The following MAP3K4 variants were observed in gnomAD, a reference collection of about 807,000 sequenced individuals.
MAP3K4 encodes the protein mitogen-activated protein kinase kinase kinase 4.
MAP3K4 carries 67 observed loss-of-function variants against 185.6 expected under a neutral mutation model. That is an observed-to-expected ratio of 0.36 (90% CI 0.30 to 0.44). The LOEUF is 0.44. Ranked by LOEUF, MAP3K4 falls within the 20% of genes least tolerant of loss-of-function variation. The pLI is 1.00. For synonymous variants in MAP3K4, 702 were observed against 710.4 expected (o/e 0.99, Z 0.19); for missense variants, 1,551 against 1,995.1 (o/e 0.78, Z 4.24).
At chr6:161,042,718 C>T (rs1293574469) in intron 2 of MAP3K4, among the ~76,000 whole-genome samples, 3 of 152,034 alleles carry the variant, frequency 2.0e-5, no homozygotes, top group Non-Finnish European at 4.4e-5. Flanking sequence ...TTCAGTTTAT[C>T]TCATAGTTTA....
At position 161,049,355 on chromosome 6, in the gene MAP3K4, A is replaced by G. The variant is rs1361169554; in HGVS notation, c.1083A>G (p.Leu361=). 6.2e-7 allele frequency: 1 copy of G among 1,614,198 alleles called. No homozygotes were observed. Among genetic ancestry groups the G allele is most frequent in the South Asian group, 1.1e-5 (1 of 91,088 alleles). The part of the protein sequence containing the change: ...FEQVKRIMEL[L]EYIEALYPSL... ...AGGTAAAACGGATAATGGAGCTGCT[A>G]GAGTACATAGAAGCACTTTATCCAT... Residue 361 remains leucine (L), a synonymous_variant, in exon 3 of 27, where the codon CTA becomes CTG. Transcript: ENST00000392142. This position sits in a 1 kb window ranked among gnomAD's most constrained non-coding sequence, Gnocchi z 8.4.
At chr6:161,090,542 T>A (rs1785980164) in intron 11 of MAP3K4, among the ~76,000 whole-genome samples, 1 of 141,970 alleles carries the variant, frequency 7.0e-6, no homozygotes, top group African/African-American at 2.7e-5. Context: ...TTGTAGGATG[T>A]TTAGAGCCAG....
chr6:161,002,520 T>C (rs566922820), intron 1 of MAP3K4, among the ~76,000 whole-genome samples: 3 of 151,710 alleles, frequency 2.0e-5, no homozygotes, highest in Non-Finnish European at 4.4e-5. Context: ...GTATCTATTA[T>C]GGAAAACTAT....
chr6:161,023,536 T>C (rs1782500187), intron 1 of MAP3K4, among the ~76,000 whole-genome samples: 5 of 152,256 alleles, frequency 3.3e-5, no homozygotes. Flanking sequence ...ACATGATTTA[T>C]GGCAGTTGAT....
rs1370870130 is a variant in MAP3K4 at position 161,074,688 on chromosome 6, G to C, written c.2097+1076G>C. On this transcript the variant is annotated intron_variant, in intron 5 of 26. Coordinates refer to ENST00000392142, the MANE Select transcript of MAP3K4 (RefSeq NM_005922.4). The surrounding 1 kb of genome is among the most constrained non-coding windows in gnomAD (Gnocchi z 5.0). ...TTAGATTCATTAGGGTATATGCATA[G>C]ATGATTACGTAATGTGACAGGTTAA... 6.6e-6 allele frequency among the ~76,000 whole-genome samples: 1 copy of C among 152,184 alleles called. No homozygotes were observed.
Position 160,991,970 on chromosome 6 carries a change from C to G in MAP3K4, c.39C>G (p.Ala13=). The G allele has an allele frequency of 6.5e-7, 1 of 1,548,042 alleles. No homozygotes were observed. Among genetic ancestry groups the G allele is most frequent in the Non-Finnish European group, 8.7e-7 (1 of 1,154,380 alleles). The change falls in exon 1 of 27, where the codon GCC becomes GCG. Residue 13 remains alanine, a synonymous_variant. Coordinates refer to ENST00000392142, the MANE Select transcript of MAP3K4 (RefSeq NM_005922.4). This position sits in a 1 kb window ranked among gnomAD's most constrained non-coding sequence, Gnocchi z 5.7. ...CTGCCGCGCTGGTCCCTCCTCCCGC[C>G]TTTGCCGTCACGCCTGCCGCCGCCA... ...EAAAALVPPP[A]FAVTPAAAME... is the part of the protein sequence containing the mutation.
At chr6:161,099,253 G>A (rs1583231929) in intron 17 of MAP3K4, among the ~76,000 whole-genome samples, 1 of 152,196 alleles carries the variant, frequency 6.6e-6, no homozygotes, top group East Asian at 1.9e-4. Flanking sequence ...TCTGTGTTCA[G>A]CCCCGAGGAG....
chr6:161,048,333 T>G lies in MAP3K4; in HGVS notation c.344-283T>G, dbSNP rs112647813. The G allele has an allele frequency of 9.6e-5, 59 of 616,748 alleles. No individual in the cohort carries two copies. Among genetic ancestry groups the G allele is most frequent in the African/African-American group, 8.3e-4 (46 of 55,416 alleles). The allele number at this position is 616,748 out of a possible 1,614,324, so 38.2% of individuals were successfully genotyped here. ...ATTTGGTTAAATGATTTGATAACTA[T>G]GCTTTGTAGCATAGAGAGAAATAAA... is the stretch of plus-strand genomic sequence containing the variant. On this transcript the variant is annotated intron_variant, in intron 2 of 26. Transcript: ENST00000392142. This position sits in a 1 kb window ranked among gnomAD's most constrained non-coding sequence, Gnocchi z 4.7.
Position 161,111,841 on chromosome 6 carries a change from A to G in MAP3K4, c.4402A>G (p.Asn1468Asp), listed in dbSNP as rs780130744. 1 of 1,613,826 alleles carries G rather than the reference A, an allele frequency of 6.2e-7. No individual in the cohort carries two copies. The highest frequency in any genetic ancestry group is 8.5e-7 in the Non-Finnish European group (1 of 1,179,842). Residue 1468 changes from asparagine to aspartate, a missense_variant, in exon 24 of 27, where the codon AAT (asparagine) becomes GAT (aspartate). By Grantham distance (23) the Asn-to-Asp change is conservative (BLOSUM62 1). Coordinates refer to ENST00000392142, the MANE Select transcript of MAP3K4 (RefSeq NM_005922.4). ...GIVHRDIKGA[N>D]IFLTSSGLIK... ...ACTACTTCTTTTCTTTTTAGGTGCC[A>G]ATATCTTCCTTACCTCATCTGGATT...
intron 1 of MAP3K4, among the ~76,000 whole-genome samples, chr6:161,005,977 G>A (rs141833956): frequency 0.038 from 5,830 of 152,196 alleles, 149 homozygotes; most frequent in South Asian, 0.07. Flanking sequence ...TAATAGAAAC[G>A]GGGTTTTGCC....
In MAP3K4 at chr6:161,115,096, C is replaced by T; in HGVS notation, c.4627-27C>T. 2 of 1,581,368 alleles carry T rather than the reference C, an allele frequency of 1.3e-6. No individual in the cohort carries two copies. Among genetic ancestry groups the T allele is most frequent in the Non-Finnish European group, 1.7e-6 (2 of 1,157,874 alleles). ...GTTTGTGGCTGTGTAATATTAAAAT[C>T]TGATTTTTTAAAAACATCTTTTTTA... On this transcript the variant is annotated intron_variant, in intron 25 of 26. Coordinates refer to ENST00000392142, the MANE Select transcript of MAP3K4 (RefSeq NM_005922.4). The surrounding 1 kb of genome is among the most constrained non-coding windows in gnomAD (Gnocchi z 6.0).
intron 1 of MAP3K4, among the ~76,000 whole-genome samples, chr6:160,998,869 C>G (rs886785864): frequency 6.6e-6 from 1 of 152,198 alleles, no homozygotes; most frequent in Non-Finnish European, 1.5e-5. Flanking sequence ...AGATCTCACA[C>G]TGTGTAATCG....
chr6:161,116,928 A>G lies in MAP3K4; in HGVS notation c.*58A>G. The G allele has an allele frequency of 6.7e-7, 1 of 1,493,638 alleles. No homozygotes were observed. The highest frequency in any genetic ancestry group is 1.4e-5 in the African/African-American group (1 of 72,614). 92.5% of individuals were successfully genotyped at this position (1,493,638 alleles called of 1,614,324 possible). On this transcript the variant is annotated 3_prime_UTR_variant, in exon 27 of 27. Transcript: ENST00000392142. The surrounding 1 kb of genome is among the most constrained non-coding windows in gnomAD (Gnocchi z 6.2). ...TTAATCACTACTGTATGTAATATTT[A>G]CATAAAGACTGTGCTGAGAAGCAGT...
At chr6:161,033,648 C>T (rs1733944506) in intron 1 of MAP3K4, among the ~76,000 whole-genome samples, 3 of 152,022 alleles carry the variant, frequency 2.0e-5, no homozygotes, top group Non-Finnish European at 4.4e-5. Context: ...TCAAGTGGTT[C>T]AGTGGTATTA....
intron 15 of MAP3K4, among the ~76,000 whole-genome samples, chr6:161,094,216 G>A (rs1405750298): frequency 6.6e-6 from 1 of 152,208 alleles, no homozygotes; most frequent in Non-Finnish European, 1.5e-5. Context: ...TGCTGCAGGT[G>A]GCTGCAGATC....
At position 161,100,540 on chromosome 6, in the gene MAP3K4, ATGTT is replaced by A. The variant is rs1212104568; in HGVS notation, c.3675-1349_3675-1346del. ...GCTGGCTCTCAAGAGCTGATGGCGA[ATGTT>A]TGAGAAATTTTGCAAGTTGTTATAC... On this transcript the variant is annotated intron_variant, in intron 17 of 26. Coordinates refer to ENST00000392142, the MANE Select transcript of MAP3K4 (RefSeq NM_005922.4). This position sits in a 1 kb window ranked among gnomAD's most constrained non-coding sequence, Gnocchi z 5.8. 6.6e-6 allele frequency among the ~76,000 whole-genome samples: 1 copy of A among 152,188 alleles called. No homozygotes were observed. Among genetic ancestry groups the A allele is most frequent in the African/African-American group, 2.4e-5 (1 of 41,440 alleles).
chr6:161,050,509 C>T (rs143860568), intron 3 of MAP3K4, among the ~76,000 whole-genome samples: 166 of 152,274 alleles, frequency 1.1e-3, no homozygotes, highest in African/African-American at 3.9e-3. Context: ...CACTATCTCG[C>T]AAGGTTAAAG....
chr6:161,034,554 A>T lies in MAP3K4; in HGVS notation c.343+105A>T. The T allele has an allele frequency of 1.0e-6, 1 of 954,018 alleles. No homozygotes were observed. Among genetic ancestry groups the T allele is most frequent in the South Asian group, 2.0e-5 (1 of 49,114 alleles). The allele number at this position is 954,018 out of a possible 1,614,324, so 59.1% of individuals were successfully genotyped here. A position where few individuals can be genotyped will look rare whatever the true frequency, so the allele number is the denominator to read the frequency against. On this transcript the variant is annotated intron_variant, in intron 2 of 26. Transcript: ENST00000392142. The surrounding 1 kb of genome is among the most constrained non-coding windows in gnomAD (Gnocchi z 4.4). ...TTCTTTTATTTTTAATTTGATTTTA[A>T]TGCTCCTGTAAAGTTCAATTTTTTT...
At chr6:161,057,569 G>C (rs1168412354) in intron 3 of MAP3K4, among the ~76,000 whole-genome samples, 1 of 152,180 alleles carries the variant, frequency 6.6e-6, no homozygotes, top group Non-Finnish European at 1.5e-5. Context: ...GAATCTCCCA[G>C]TGGGGGACAC....
Sources: allele counts gnomAD v4.1 joint callset (sites outside exome capture counted in the v4.1 genomes callset), GRCh38; gene constraint gnomAD v4.1.1; non-coding constraint Gnocchi (gnomAD v3.1); transcripts MANE v1.5; gene names NCBI Gene and HGNC (gene_info 2026-07-23, HGNC 2026-07-21).